Variants in CDADC1 observed in about 807,000 individuals in gnomAD.
The protein encoded by CDADC1 is dCTP deaminase.
In CDADC1, 39 loss-of-function variants were observed where a neutral mutation model predicts 54.9. The observed-to-expected ratio is 0.71, with a 90% CI of 0.55 to 0.93. CDADC1 has a LOEUF of 0.93. Ranked by LOEUF, CDADC1 falls within the 40% of genes least tolerant of loss-of-function variation. The pLI is 0.00. For missense variants in CDADC1, 518 were observed against 618.8 expected, an observed-to-expected ratio of 0.84 and a Z score of 1.73; for synonymous variants, 186 against 204.0, an observed-to-expected ratio of 0.91 and a Z score of 0.75.
intron 4 of CDADC1, among the ~76,000 whole-genome samples, chr13:49,260,393 C>G (rs1952650296): frequency 6.6e-6 from 1 of 152,186 alleles, no homozygotes; most frequent in South Asian, 2.1e-4. Flanking sequence ...CTGTTGTCAC[C>G]TCTAGGGCTT....
chr13:49,292,305 C>T lies in CDADC1; in HGVS notation c.*548C>T, dbSNP rs1439758543. Reference sequence around the variant, plus strand: ...TAAAAATAAAGTTAGTGGACTTTGTCTCCATTTTTAAAGTATATTTTGTAA... The same window carrying T: ...TAAAAATAAAGTTAGTGGACTTTGTTTCCATTTTTAAAGTATATTTTGTAA... On this transcript the variant is annotated 3_prime_UTR_variant, in exon 10 of 10. Transcript: ENST00000251108. The T allele has an allele frequency of 1.0e-6, 1 of 979,478 alleles. No individual in the cohort carries two copies. The highest frequency in any genetic ancestry group is 5.9e-5 in the Admixed American group (1 of 17,030). The allele number at this position is 979,478 out of a possible 1,614,324, so 60.7% of individuals were successfully genotyped here.
chr13:49,280,508 G>C lies in CDADC1; in HGVS notation c.1221-1G>C. 2 of 1,383,742 alleles carry C rather than the reference G, an allele frequency of 1.4e-6. No individual in the cohort carries two copies. The highest frequency in any genetic ancestry group is 1.9e-6 in the Non-Finnish European group (2 of 1,051,420). 85.7% of individuals were successfully genotyped at this position (1,383,742 alleles called of 1,614,324 possible). A position where few individuals can be genotyped will look rare whatever the true frequency, so the allele number is the denominator to read the frequency against. On this transcript the variant is annotated splice_acceptor_variant, in intron 7 of 9. Coordinates refer to ENST00000251108, the MANE Select transcript of CDADC1 (RefSeq NM_030911.4). LOFTEE classifies it high-confidence loss of function. ...CTGATATTTTATAATTTTTTTTGTA[G>C]GTGTCAAGAAATAAAACCAGAAGAA... is the stretch of plus-strand genomic sequence containing the variant.
At chr13:49,269,861 A>C (rs1952919160) in intron 5 of CDADC1, among the ~76,000 whole-genome samples, 1 of 152,244 alleles carries the variant, frequency 6.6e-6, no homozygotes, top group African/African-American at 2.4e-5. Context: ...TATATTGTTT[A>C]TTAGATACTC....
intron 4 of CDADC1, among the ~76,000 whole-genome samples, chr13:49,264,758 T>G (rs889903448): frequency 6.6e-6 from 1 of 151,934 alleles, no homozygotes; most frequent in African/African-American, 2.4e-5. Flanking sequence ...CACTATTAAT[T>G]CCATGTATGC....
At chr13:49,270,182 A>G (rs1238019516) in intron 5 of CDADC1, among the ~76,000 whole-genome samples, 1 of 152,086 alleles carries the variant, frequency 6.6e-6, no homozygotes, top group Non-Finnish European at 1.5e-5. Context: ...CTTATGCAAA[A>G]CTTTTGGAGC....
rs1229437247 is a variant in CDADC1, at chr13:49,274,186, T to A, written c.1001-105T>A. 5.0e-6 allele frequency: 4 copies of A among 797,198 alleles called. No homozygotes were observed. In the African/African-American group the frequency reaches 5.3e-5, roughly 10 times the overall value. 49.4% of individuals were successfully genotyped at this position (797,198 alleles called of 1,614,324 possible). ...GAAGATACAAGGATTGCTGCTACAT[T>A]TATGAAGTATGTTTCAATACAAGTT... On this transcript the variant is annotated intron_variant, in intron 5 of 9. Transcript: ENST00000251108.
chr13:49,248,235 G>A (rs1952341832), intron 1 of CDADC1, 116 bp downstream of exon 1: 12 of 906,814 alleles, frequency 1.3e-5, no homozygotes, highest in Non-Finnish European at 2.0e-5. Flanking sequence ...GCTGCTTTTG[G>A]ATGTCTCCTG....
At chr13:49,276,009 C>T (rs1461869093) in intron 6 of CDADC1, among the ~76,000 whole-genome samples, 2 of 151,976 alleles carry the variant, frequency 1.3e-5, no homozygotes, top group African/African-American at 2.4e-5. Flanking sequence ...CTTCGTGATC[C>T]ACCTGCCTTG....
At chr13:49,273,915 C>T (rs992017734) in intron 5 of CDADC1, among the ~76,000 whole-genome samples, 1 of 152,092 alleles carries the variant, frequency 6.6e-6, no homozygotes, top group African/African-American at 2.4e-5. Flanking sequence ...AGTTCTGAAA[C>T]CTTTATTAAA....
chr13:49,256,560 T>C (rs1952553077), intron 3 of CDADC1, among the ~76,000 whole-genome samples: 1 of 152,276 alleles, frequency 6.6e-6, no homozygotes, highest in African/African-American at 2.4e-5. Flanking sequence ...CTAATATCCA[T>C]GAAACAGTAA....
chr13:49,283,044 T>G (rs1953396703), intron 8 of CDADC1, among the ~76,000 whole-genome samples: 1 of 152,236 alleles, frequency 6.6e-6, no homozygotes, highest in East Asian at 1.9e-4. Context: ...AATGTAACAT[T>G]TAACTACTAG....
At chr13:49,278,659 G>C (rs1953218756) in intron 7 of CDADC1, 140 bp downstream of exon 7, 1 of 633,536 alleles carries the variant, frequency 1.6e-6, no homozygotes, top group African/African-American at 1.8e-5. Flanking sequence ...GGTAAAGCTT[G>C]GTCCTCACTG....
At chr13:49,253,233 T>C (rs1593788010) in intron 2 of CDADC1, among the ~76,000 whole-genome samples, 1 of 152,204 alleles carries the variant, frequency 6.6e-6, no homozygotes, top group African/African-American at 2.4e-5. Flanking sequence ...GTAATATATG[T>C]TTGTTATTTT....
intron 6 of CDADC1, among the ~76,000 whole-genome samples, chr13:49,277,047 T>A (rs191781590): frequency 1.4e-4 from 22 of 152,176 alleles, no homozygotes; most frequent in Non-Finnish European, 3.1e-4. Flanking sequence ...TCTGGCTATG[T>A]TACTTACTCA....
intron 4 of CDADC1, chr13:49,265,902 C>T (rs964030636): frequency 1.5e-6 from 2 of 1,302,858 alleles, no homozygotes; most frequent in Non-Finnish European, 2.0e-6. Flanking sequence ...AGCTAAGATG[C>T]CTAGATGAAA....
intron 2 of CDADC1, among the ~76,000 whole-genome samples, chr13:49,254,955 T>C (rs1017172280): frequency 1.3e-5 from 2 of 152,226 alleles, no homozygotes; most frequent in African/African-American, 4.8e-5. Context: ...CTGTATTCGT[T>C]TTCTATTGCT....
intron 2 of CDADC1, among the ~76,000 whole-genome samples, chr13:49,250,685 G>A (rs1952408066): frequency 6.6e-6 from 1 of 152,176 alleles, no homozygotes; most frequent in South Asian, 2.1e-4. Context: ...GCCTTGCAAA[G>A]GAGTTTAGAT....
intron 6 of CDADC1, among the ~76,000 whole-genome samples, chr13:49,276,490 A>G (rs983575374): frequency 1.3e-5 from 2 of 152,186 alleles, no homozygotes; most frequent in Non-Finnish European, 2.9e-5. Context: ...AAGTAATCTG[A>G]CAATTTGCTT....
intron 6 of CDADC1, among the ~76,000 whole-genome samples, chr13:49,275,317 C>T (rs1953076581): frequency 6.6e-6 from 1 of 151,834 alleles, no homozygotes; most frequent in African/African-American, 2.4e-5. Context: ...AACTCCTGGC[C>T]TCAAGCAGTC....
Sources: gnomAD v4.1 joint callset for allele counts (sites outside exome capture counted in the v4.1 genomes callset) on GRCh38, gnomAD v4.1.1 for gene constraint, MANE v1.5 for transcripts, NCBI Gene and HGNC (gene_info 2026-07-23, HGNC 2026-07-21) for gene names.